The following GRAMD1C variants were observed in gnomAD, a reference collection of about 807,000 sequenced individuals.
The protein encoded by GRAMD1C is protein Aster-C.
GRAMD1C carries 89 observed loss-of-function variants against 97.8 expected under a neutral mutation model. That is an observed-to-expected ratio of 0.91 (90% CI 0.77 to 1.09). GRAMD1C has a LOEUF of 1.09. GRAMD1C is among the 50% of genes least tolerant of loss of function. The probability of loss-of-function intolerance (pLI) is 0.00; values close to 1 mark genes in which losing one functional copy is unlikely to be tolerated. For synonymous variants in GRAMD1C, 256 were observed against 267.0 expected, an observed-to-expected ratio of 0.96 and a Z score of 0.40; for missense variants, 740 against 766.4, an observed-to-expected ratio of 0.97 and a Z score of 0.41.
At chr3:113,932,518 T>C (rs1420242635) in intron 11 of GRAMD1C, among the ~76,000 whole-genome samples, 3 of 152,308 alleles carry the variant, frequency 2.0e-5, no homozygotes, top group Non-Finnish European at 4.4e-5. Flanking sequence ...CGTTGAACTT[T>C]GATTAATTTT....
chr3:113,904,028 G>T, intron 7 of GRAMD1C, 112 bp from the exon 8 acceptor site: 1 of 687,088 alleles, frequency 1.5e-6, no homozygotes, highest in South Asian at 2.1e-5. Flanking sequence ...TATTACAGTA[G>T]TCCATTTATT....
rs77679546 is a variant in GRAMD1C at position 113,858,394 on chromosome 3, A to G, written c.175-11113A>G. On this transcript the variant is annotated intron_variant, in intron 2 of 17. Transcript: ENST00000358160. Reference sequence around the variant, plus strand: ...ATTACAGGCATGTAATCCCAGCTACATTTTTTTTTTTTTTTTTTTGAGACA... The same window carrying G: ...ATTACAGGCATGTAATCCCAGCTACGTTTTTTTTTTTTTTTTTTTGAGACA... 4.4e-3 allele frequency among the ~76,000 whole-genome samples: 478 copies of G among 109,318 alleles called. 11 individuals are homozygous for G. The highest frequency in any genetic ancestry group is 4.7e-3 in the Non-Finnish European group (275 of 58,738). 71.7% of individuals were successfully genotyped at this position (109,318 alleles called of 152,430 possible).
rs1229762936 is a variant in GRAMD1C at position 113,906,416 on chromosome 3, GTGTT to G, written c.789+2148_789+2151del. ...CCTGTGTAGGCCTAGGCTAACGTGT[GTGTT>G]TGTGTCTTAATTTTTAACAAAAAGG... On this transcript the variant is annotated intron_variant, in intron 8 of 17. Coordinates refer to ENST00000358160, the MANE Select transcript of GRAMD1C (RefSeq NM_017577.5). Among the ~76,000 whole-genome samples, 5 of 152,076 alleles carry G rather than the reference GTGTT, an allele frequency of 3.3e-5. No individual in the cohort carries two copies. In the East Asian group the frequency reaches 7.7e-4, roughly 24 times the overall value.
rs140391707 is a variant in GRAMD1C at position 113,945,574 on chromosome 3, CTA to C, written c.*98_*99del. 2,981 of 684,304 alleles carry C rather than the reference CTA, an allele frequency of 4.4e-3. 60 individuals carry two copies. The African/African-American group carries it at 0.048, about 11-fold the overall frequency. The allele number at this position is 684,304 out of a possible 1,614,324, so 42.4% of individuals were successfully genotyped here. A position where few individuals can be genotyped will look rare whatever the true frequency, so the allele number is the denominator to read the frequency against. On this transcript the variant is annotated 3_prime_UTR_variant, in exon 18 of 18. Transcript: ENST00000358160. ...TGAAGGATTTTGGCATAGAACATTT[CTA>C]TGTTTTTTCATTATTGAGATTTCTA...
intron 1 of GRAMD1C, among the ~76,000 whole-genome samples, chr3:113,842,649 G>T (rs1933390793): frequency 6.6e-6 from 1 of 151,990 alleles, no homozygotes; most frequent in Admixed American, 6.6e-5. Flanking sequence ...CCATGGCAAT[G>T]GTTATTTATA....
chr3:113,874,954 A>G (rs1299575651), intron 3 of GRAMD1C, among the ~76,000 whole-genome samples: 3 of 152,224 alleles, frequency 2.0e-5, no homozygotes, highest in African/African-American at 4.8e-5. Flanking sequence ...GTGGCATCTC[A>G]TGACAACCAC....
In GRAMD1C at chr3:113,936,337, C is replaced by T. The variant is rs897211852; in HGVS notation, c.1528C>T (p.Arg510Ter). ...IEDPGKLTGL[R>*]RRRRTFNRTA... The stretch of plus-strand genomic sequence containing the variant: ...AGACCCTGGAAAACTTACTGGCCTA[C>T]GAAGGAGAAGGCGAACCTTCAACCG... Residue 510 changes from arginine (R) to a stop codon, truncating the protein, a stop_gained, in exon 14 of 18, where the codon CGA becomes TGA. Coordinates refer to ENST00000358160, the MANE Select transcript of GRAMD1C (RefSeq NM_017577.5). LOFTEE classifies it high-confidence loss of function. 5.6e-6 allele frequency: 9 copies of T among 1,610,634 alleles called. No individual in the cohort carries two copies. Among genetic ancestry groups the T allele is most frequent in the Middle Eastern group, 1.6e-4 (1 of 6,074 alleles).
chr3:113,838,872 G>C lies in GRAMD1C; in HGVS notation c.-38G>C, dbSNP rs1709691191. 1 of 1,227,138 alleles carries C rather than the reference G, an allele frequency of 8.1e-7. No homozygotes were observed. Among genetic ancestry groups the C allele is most frequent in the South Asian group, 4.1e-5 (1 of 24,340 alleles). 76.0% of individuals were successfully genotyped at this position (1,227,138 alleles called of 1,614,324 possible). A position where few individuals can be genotyped will look rare whatever the true frequency, so the allele number is the denominator to read the frequency against. On this transcript the variant is annotated 5_prime_UTR_variant, in exon 1 of 18. Coordinates refer to ENST00000358160, the MANE Select transcript of GRAMD1C (RefSeq NM_017577.5). The stretch of plus-strand genomic sequence containing the variant: ...TGGGCGCGGGGCGGTGCGGTGCGGT[G>C]CGCGCGGGGCGGTGCCGCGGCGGCG...
At chr3:113,889,314 G>T (rs1042565937) in intron 6 of GRAMD1C, among the ~76,000 whole-genome samples, 2 of 152,168 alleles carry the variant, frequency 1.3e-5, no homozygotes, top group East Asian at 1.9e-4. Context: ...AGTGAAAGAC[G>T]CCAGTCATAA....
chr3:113,899,632 T>C (rs1401858044), intron 6 of GRAMD1C, among the ~76,000 whole-genome samples: 5 of 152,348 alleles, frequency 3.3e-5, no homozygotes, highest in Admixed American at 1.3e-4. Context: ...GCTACTTCCT[T>C]ACACCTTGCT....
chr3:113,856,137 C>G (rs1276517236), intron 2 of GRAMD1C, among the ~76,000 whole-genome samples: 8 of 152,122 alleles, frequency 5.3e-5, no homozygotes, highest in Non-Finnish European at 1.0e-4. Context: ...ATCTGCCCAC[C>G]TCGGCCTCCC....
intron 5 of GRAMD1C, among the ~76,000 whole-genome samples, chr3:113,878,679 A>G (rs1935143513): frequency 6.6e-6 from 1 of 152,118 alleles, no homozygotes; most frequent in Non-Finnish European, 1.5e-5. Context: ...CTAACACCAC[A>G]GAGTTTATTT....
At chr3:113,829,914 A>T (rs1709535911) in intron 1 of GRAMD1C, among the ~76,000 whole-genome samples, 1 of 152,134 alleles carries the variant, frequency 6.6e-6, no homozygotes, top group South Asian at 2.1e-4. Flanking sequence ...GAAAACAAGG[A>T]CGCAGACAAA....
At chr3:113,886,295 A>G (rs1420023765) in intron 6 of GRAMD1C, among the ~76,000 whole-genome samples, 1 of 152,222 alleles carries the variant, frequency 6.6e-6, no homozygotes, top group African/African-American at 2.4e-5. Flanking sequence ...GTGGAAGCCT[A>G]GGGGAGCCGA....
intron 13 of GRAMD1C, 39 bp from the exon 14 acceptor site, chr3:113,936,227 C>G (rs1355372299): frequency 8.4e-7 from 1 of 1,187,940 alleles, no homozygotes; most frequent in East Asian, 2.4e-5. Flanking sequence ...AGTTGAGGAG[C>G]TTTCCTCACT....
Position 113,901,019 on chromosome 3 carries a change from C to T in GRAMD1C, c.541-12C>T, listed in dbSNP as rs1196245358. The T allele has an allele frequency of 7.5e-7, 1 of 1,326,206 alleles. No homozygotes were observed. The highest frequency in any genetic ancestry group is 1.2e-5 in the South Asian group (1 of 83,552). The allele number at this position is 1,326,206 out of a possible 1,614,324, so 82.2% of individuals were successfully genotyped here. A position where few individuals can be genotyped will look rare whatever the true frequency, so the allele number is the denominator to read the frequency against. ...TTTTCCAATGCTCAGTGTAATTTTTCTGTCACTTTAGAGCCTGACTAGACA... is the reference window on the plus strand; with the variant it reads ...TTTTCCAATGCTCAGTGTAATTTTTTTGTCACTTTAGAGCCTGACTAGACA... On this transcript the variant is annotated splice_polypyrimidine_tract_variant and intron_variant, in intron 6 of 17. Transcript: ENST00000358160.
chr3:113,890,500 C>A, intron 6 of GRAMD1C: 1 of 481,884 alleles, frequency 2.1e-6, no homozygotes, highest in Non-Finnish European at 3.6e-6. Flanking sequence ...GCAAGGAAGC[C>A]TCCTTCACCC....
intron 8 of GRAMD1C, among the ~76,000 whole-genome samples, chr3:113,904,541 T>C (rs202240382): frequency 6.6e-6 from 1 of 151,726 alleles, no homozygotes; most frequent in East Asian, 1.9e-4. Context: ...AAAAGAATAA[T>C]AAGATGGAGA....
intron 6 of GRAMD1C, among the ~76,000 whole-genome samples, chr3:113,887,900 G>A (rs1935576845): frequency 6.6e-6 from 1 of 151,964 alleles, no homozygotes; most frequent in African/African-American, 2.4e-5. Context: ...AAATGAAATG[G>A]ATAAGTACTT....
Sources: allele counts gnomAD v4.1 joint callset (sites outside exome capture counted in the v4.1 genomes callset), GRCh38; gene constraint gnomAD v4.1.1; transcripts MANE v1.5; gene names NCBI Gene and HGNC (gene_info 2026-07-23, HGNC 2026-07-21).